The following NCOA2 variants were observed in gnomAD, a reference collection of about 807,000 sequenced individuals.
NCOA2 encodes the protein nuclear receptor coactivator 2, also known as class E basic helix-loop-helix protein 75.
In NCOA2, 21 loss-of-function variants were observed where a neutral mutation model predicts 145.1. That is an observed-to-expected ratio of 0.14 (90% CI 0.10 to 0.21). The LOEUF is 0.21. Among genes scored for constraint, NCOA2 ranks in the 10% least tolerant of loss-of-function variants. The pLI is 1.00. For synonymous variants in NCOA2, 619 were observed against 637.5 expected (o/e 0.97, Z 0.44); for missense variants, 1,472 against 1,837.6 (o/e 0.80, Z 3.64).
At chr8:70,419,241 C>G in the NCOA2 span, among the ~76,000 whole-genome samples, 1 of 151,932 alleles carries the variant, frequency 6.6e-6, no homozygotes, top group African/African-American at 2.4e-5. Context: ...GACATTGTTG[C>G]AATTCTTCAA....
At chr8:70,196,792 T>C (rs1029594716) in intron 4 of NCOA2, among the ~76,000 whole-genome samples, 2 of 152,234 alleles carry the variant, frequency 1.3e-5, no homozygotes, top group Non-Finnish European at 2.9e-5. Context: ...AAAGGCAAAG[T>C]TGAAGACATG....
At chr8:70,424,275 C>A in the NCOA2 span, 2 of 385,256 alleles carry the variant, frequency 5.2e-6, no homozygotes, top group Non-Finnish European at 5.0e-6. Context: ...GCTTGTTATC[C>A]AGATCATTCG....
intron 2 of NCOA2, among the ~76,000 whole-genome samples, chr8:70,248,026 A>G (rs1822772966): frequency 1.3e-5 from 2 of 152,164 alleles, no homozygotes; most frequent in Non-Finnish European, 2.9e-5. Context: ...TATCATTAGC[A>G]ATTTTAAACT....
rs1478681926 is a variant in NCOA2, at chr8:70,337,525, C to G, written c.-76-40725G>C. 2.0e-5 allele frequency among the ~76,000 whole-genome samples: 3 copies of G among 152,158 alleles called. No homozygotes were observed. In the South Asian group the frequency reaches 6.2e-4, roughly 32 times the overall value. ...GGCAAGTTACCCAGCCTCTGCGTAA[C>G]TTGTATAACTCTACCATCTGTAACA... is the stretch of plus-strand genomic sequence containing the variant. On this transcript the variant is annotated intron_variant, in intron 1 of 22. Transcript: ENST00000452400.
At chr8:70,447,686 T>TTTTTTC in the NCOA2 span, among the ~76,000 whole-genome samples, 1 of 145,024 alleles carries the variant, frequency 6.9e-6, no homozygotes, top group African/African-American at 2.6e-5. Flanking sequence ...TGTTTTCTTT[T>TTTTTTC]TTTTTTTTTT....
chr8:70,128,077 A>G (rs1327109801), intron 18 of NCOA2, among the ~76,000 whole-genome samples: 1 of 152,232 alleles, frequency 6.6e-6, no homozygotes, highest in Admixed American at 6.5e-5. Context: ...AGAAACACAC[A>G]TAAAACAAGG....
chr8:70,337,747 C>T (rs1807743767), intron 1 of NCOA2, among the ~76,000 whole-genome samples: 1 of 152,148 alleles, frequency 6.6e-6, no homozygotes, highest in Non-Finnish European at 1.5e-5. Flanking sequence ...ATAACAGTCT[C>T]TCAGACAACA....
chr8:70,409,355 C>G, the NCOA2 span, among the ~76,000 whole-genome samples: 1 of 152,112 alleles, frequency 6.6e-6, no homozygotes, highest in Non-Finnish European at 1.5e-5. Flanking sequence ...TAAGAATAGA[C>G]AAACAGATCA....
chr8:70,128,888 A>C lies in NCOA2; in HGVS notation c.3417T>G (p.Ser1139=). Reference sequence around the variant, plus strand: ...AGCTACCCTGGGCCATTTGTGCCTGAGATGCATACTGCTGTGGGAAAACGG... The same window carrying C: ...AGCTACCCTGGGCCATTTGTGCCTGCGATGCATACTGCTGTGGGAAAACGG... ...KAPVFPQQYA[S]QAQMAQGSYS... Residue 1139 remains serine, a synonymous_variant, in exon 17 of 23, where the codon TCT becomes TCG. Coordinates refer to ENST00000452400, the MANE Select transcript of NCOA2 (RefSeq NM_006540.4). 1 of 1,613,908 alleles carries C rather than the reference A, an allele frequency of 6.2e-7. No individual in the cohort carries two copies. Among genetic ancestry groups the C allele is most frequent in the Non-Finnish European group, 8.5e-7 (1 of 1,179,840 alleles).
chr8:70,453,885 A>C, the NCOA2 span, among the ~76,000 whole-genome samples: 1 of 152,350 alleles, frequency 6.6e-6, no homozygotes, highest in Admixed American at 6.5e-5. Flanking sequence ...GCATTGTCAC[A>C]AAGCAATATA....
intron 4 of NCOA2, among the ~76,000 whole-genome samples, chr8:70,179,497 T>C (rs1327696119): frequency 6.6e-6 from 1 of 152,194 alleles, no homozygotes; most frequent in African/African-American, 2.4e-5. Flanking sequence ...GGACATATAC[T>C]GGTATCTTGA....
At chr8:70,214,213 AAC>A in intron 3 of NCOA2, 138 bp from the exon 4 acceptor site, 3 of 842,108 alleles carry the variant, frequency 3.6e-6, no homozygotes, top group Non-Finnish European at 5.4e-6. Context: ...TTGGGGGAAA[AAC>A]ACAATTTTCC....
chr8:70,197,277 A>G (rs1321096800), intron 4 of NCOA2, among the ~76,000 whole-genome samples: 1 of 152,128 alleles, frequency 6.6e-6, no homozygotes, highest in Non-Finnish European at 1.5e-5. Context: ...TATCTACATC[A>G]ACCTATCAAT....
intron 2 of NCOA2, among the ~76,000 whole-genome samples, chr8:70,243,008 C>T (rs1391919297): frequency 6.6e-6 from 1 of 152,046 alleles, no homozygotes; most frequent in Non-Finnish European, 1.5e-5. Context: ...GACTTCAACA[C>T]CTGCACCTCT....
chr8:70,252,863 T>G (rs977374279), intron 2 of NCOA2, among the ~76,000 whole-genome samples: 5 of 152,230 alleles, frequency 3.3e-5, no homozygotes, highest in African/African-American at 1.2e-4. Flanking sequence ...CTATTCCAAA[T>G]TTCAACAGGC....
intron 4 of NCOA2, among the ~76,000 whole-genome samples, chr8:70,189,820 T>TA (rs149858777): frequency 0.012 from 1,822 of 152,334 alleles, 51 homozygotes; most frequent in African/African-American, 0.042. Flanking sequence ...AAAGAAAAAT[T>TA]AAATTTGAAA....
At chr8:70,430,043 G>A in the NCOA2 span, among the ~76,000 whole-genome samples, 1 of 152,110 alleles carries the variant, frequency 6.6e-6, no homozygotes, top group Non-Finnish European at 1.5e-5. Flanking sequence ...TGTAGAGATA[G>A]GGTCTCACTT....
the NCOA2 span, among the ~76,000 whole-genome samples, chr8:70,438,690 T>A: frequency 2.1e-4 from 32 of 152,352 alleles, no homozygotes; most frequent in Admixed American, 1.2e-3. Flanking sequence ...ACATTTATTT[T>A]AAAAAATACA....
At chr8:70,419,147 C>T in the NCOA2 span, among the ~76,000 whole-genome samples, 1 of 150,418 alleles carries the variant, frequency 6.6e-6, no homozygotes, top group East Asian at 1.9e-4. Flanking sequence ...ATTGAACAAA[C>T]CCTCCCAGTG....
Sources: gnomAD v4.1 joint callset for allele counts (sites outside exome capture counted in the v4.1 genomes callset) on GRCh38, gnomAD v4.1.1 for gene constraint, MANE v1.5 for transcripts, NCBI Gene and HGNC (gene_info 2026-07-23, HGNC 2026-07-21) for gene names.